The following COL23A1 variants were observed in gnomAD, a reference collection of about 807,000 sequenced individuals.
COL23A1 encodes collagen type XXIII alpha 1 chain.
In COL23A1, 97 loss-of-function variants were observed where a neutral mutation model predicts 99.3. The observed-to-expected ratio is 0.98, with a 90% confidence interval of 0.83 to 1.16. The LOEUF (loss-of-function observed/expected upper bound fraction) is 1.16, where lower values mean the gene tolerates loss of function less well. COL23A1 is among the 50% of genes most tolerant of loss of function. The pLI is 0.00. For missense variants in COL23A1, 762 were observed against 757.4 expected (o/e 1.01, Z -0.07); for synonymous variants, 320 against 308.2 (o/e 1.04, Z -0.40).
intron 2 of COL23A1, among the ~76,000 whole-genome samples, chr5:178,361,955 C>T (rs1391845409): frequency 6.6e-6 from 1 of 152,186 alleles, no homozygotes; most frequent in Non-Finnish European, 1.5e-5. Context: ...AAGCTGACAT[C>T]ACACAGGGAG....
At chr5:178,357,844 G>A (rs1475692884) in intron 2 of COL23A1, among the ~76,000 whole-genome samples, 1 of 150,204 alleles carries the variant, frequency 6.7e-6, no homozygotes, top group East Asian at 2.0e-4. Context: ...GTGTGTGTAT[G>A]TCTAATGTGT....
chr5:178,585,704 G>GT (rs1488862901), intron 1 of COL23A1, among the ~76,000 whole-genome samples: 1 of 134,410 alleles, frequency 7.4e-6, no homozygotes, highest in South Asian at 2.3e-4. Flanking sequence ...ATGCCCTACA[G>GT]CCCTGGATGG....
At chr5:178,243,440 T>C (rs1440444562) in intron 25 of COL23A1, among the ~76,000 whole-genome samples, 10 of 140,198 alleles carry the variant, frequency 7.1e-5, no homozygotes, top group Middle Eastern at 3.8e-3. Context: ...TGAGCCGAGA[T>C]CATGCCACTG....
intron 2 of COL23A1, among the ~76,000 whole-genome samples, chr5:178,430,642 G>C (rs1339299913): frequency 6.6e-6 from 1 of 152,200 alleles, no homozygotes. Context: ...GTAGGAGACT[G>C]AGAAAGGAAA....
At chr5:178,295,042 G>A (rs948310150) in intron 3 of COL23A1, among the ~76,000 whole-genome samples, 7 of 152,166 alleles carry the variant, frequency 4.6e-5, no homozygotes, top group African/African-American at 1.4e-4. Context: ...CCAATTAGCC[G>A]GGTGTGCTGG....
chr5:178,340,740 G>A lies in COL23A1; in HGVS notation c.362-33821C>T, dbSNP rs1004385127. 1.3e-5 allele frequency among the ~76,000 whole-genome samples: 2 copies of A among 152,188 alleles called. No individual in the cohort carries two copies. Among genetic ancestry groups the A allele is most frequent in the African/African-American group, 4.8e-5 (2 of 41,448 alleles). On this transcript the variant is annotated intron_variant, in intron 2 of 28. Coordinates refer to ENST00000390654, the MANE Select transcript of COL23A1 (RefSeq NM_173465.4). The surrounding 1 kb of genome is among the most constrained non-coding windows in gnomAD (Gnocchi z 4.7). ...CCAGGGGCAGTGAGGGAGTCTCACC[G>A]GAATGGAGGTGGGCGGGAATGGAGG...
chr5:178,582,018 A>G (rs1391550508), intron 1 of COL23A1, among the ~76,000 whole-genome samples: 1 of 152,042 alleles, frequency 6.6e-6, no homozygotes, highest in East Asian at 1.9e-4. Context: ...AAATCAAGAC[A>G]TAGCTTGGTT....
chr5:178,333,196 T>C (rs1260119688), intron 2 of COL23A1, among the ~76,000 whole-genome samples: 1 of 152,148 alleles, frequency 6.6e-6, no homozygotes, highest in African/African-American at 2.4e-5. Context: ...GACCTCGTGA[T>C]CCACCCACCT....
Position 178,589,260 on chromosome 5 carries a change from C to A in COL23A1, c.294+644G>T, listed in dbSNP as rs1764146864. Among the ~76,000 whole-genome samples, 1 of 152,136 alleles carries A rather than the reference C, an allele frequency of 6.6e-6. No homozygotes were observed. Among genetic ancestry groups the A allele is most frequent in the Admixed American group, 6.5e-5 (1 of 15,272 alleles). On this transcript the variant is annotated intron_variant, in intron 1 of 28. Transcript: ENST00000390654. The surrounding 1 kb of genome is among the most constrained non-coding windows in gnomAD (Gnocchi z 5.4). Reference sequence around the variant, plus strand: ...CGAGCCCACACCCCAGATGGCACCGCCTGAAACCAGAATCCAGGTCCTCCA... The same window carrying A: ...CGAGCCCACACCCCAGATGGCACCGACTGAAACCAGAATCCAGGTCCTCCA...
chr5:178,568,922 T>G (rs1190814110), intron 1 of COL23A1, among the ~76,000 whole-genome samples: 1 of 152,224 alleles, frequency 6.6e-6, no homozygotes, highest in Non-Finnish European at 1.5e-5. Flanking sequence ...CTGTTTTCAA[T>G]TCTTTGGGGT....
chr5:178,507,908 G>A (rs1758968412), intron 2 of COL23A1, among the ~76,000 whole-genome samples: 1 of 152,244 alleles, frequency 6.6e-6, no homozygotes, highest in South Asian at 2.1e-4. Flanking sequence ...TTCAATTCTT[G>A]TCAGCTCATC....
At chr5:178,547,335 G>A (rs973487958) in intron 2 of COL23A1, among the ~76,000 whole-genome samples, 1 of 151,936 alleles carries the variant, frequency 6.6e-6, no homozygotes, top group Non-Finnish European at 1.5e-5. Flanking sequence ...GGCGGGTGGC[G>A]AGAACATGGG....
rs1232121532 is a variant in COL23A1 at position 178,300,073 on chromosome 5, C to T, written c.406+6802G>A. ...CTGGCTACTCTCCTTCAATTTTTTT[C>T]TTTTTTTTTTGAGACGGAGTCTCGC... is the stretch of plus-strand genomic sequence containing the variant. On this transcript the variant is annotated intron_variant, in intron 3 of 28. Transcript: ENST00000390654. Among the ~76,000 whole-genome samples, 5 of 146,678 alleles carry T rather than the reference C, an allele frequency of 3.4e-5. No homozygotes were observed. In the South Asian group the frequency reaches 1.1e-3, roughly 32 times the overall value.
chr5:178,507,497 ATAG>A (rs1441865047), intron 2 of COL23A1, among the ~76,000 whole-genome samples: 15 of 152,292 alleles, frequency 9.8e-5, no homozygotes, highest in African/African-American at 3.4e-4. Context: ...GCTGATAATA[ATAG>A]TTTCTAGCTC....
chr5:178,252,240 C>T (rs1765075699), intron 17 of COL23A1, among the ~76,000 whole-genome samples: 1 of 152,182 alleles, frequency 6.6e-6, no homozygotes, highest in South Asian at 2.1e-4. Context: ...TATTAATTCA[C>T]TTAGGATAAT....
At chr5:178,288,498 G>A in intron 4 of COL23A1, 148 bp from the exon 5 acceptor site, 2 of 748,480 alleles carry the variant, frequency 2.7e-6, no homozygotes, top group Non-Finnish European at 2.5e-6. Context: ...AAGGGCTCCA[G>A]GGGTCTTGGG....
chr5:178,320,480 G>A (rs993329146), intron 2 of COL23A1, among the ~76,000 whole-genome samples: 18 of 152,192 alleles, frequency 1.2e-4, no homozygotes, highest in African/African-American at 3.6e-4. Context: ...CGGCCCCCAC[G>A]CCTGGCCCCT....
At chr5:178,326,199 G>A (rs756326671) in intron 2 of COL23A1, among the ~76,000 whole-genome samples, 1 of 152,116 alleles carries the variant, frequency 6.6e-6, no homozygotes, top group Non-Finnish European at 1.5e-5. Flanking sequence ...TGAAGCACAC[G>A]TGCTCGCGGC....
intron 2 of COL23A1, among the ~76,000 whole-genome samples, chr5:178,480,145 GAA>G (rs879262058): frequency 1.8e-5 from 2 of 112,046 alleles, no homozygotes; most frequent in East Asian, 2.7e-4. Flanking sequence ...TTGTACTCCA[GAA>G]AAAAAAAAAA....
Sources: allele counts gnomAD v4.1 joint callset (sites outside exome capture counted in the v4.1 genomes callset), GRCh38; gene constraint gnomAD v4.1.1; non-coding constraint Gnocchi (gnomAD v3.1); transcripts MANE v1.5; gene names NCBI Gene and HGNC (gene_info 2026-07-23, HGNC 2026-07-21).